Variants in NEK7 observed in about 807,000 individuals in gnomAD.
NEK7 encodes NIMA related kinase 7.
A neutral mutation model predicts 44.6 loss-of-function variants in NEK7; 18 were observed. The ratio of observed to expected loss-of-function variants is 0.40; its 90% confidence interval spans 0.28 to 0.60. The LOEUF (loss-of-function observed/expected upper bound fraction) is 0.60, where lower values mean the gene tolerates loss of function less well. Ranked by LOEUF, NEK7 falls within the 20% of genes least tolerant of loss-of-function variation. The probability of loss-of-function intolerance (pLI) is 0.38; values close to 1 mark genes in which losing one functional copy is unlikely to be tolerated. For missense variants in NEK7, 256 were observed against 366.5 expected (o/e 0.70, Z 2.46); for synonymous variants, 130 against 121.1 (o/e 1.07, Z -0.48).
At chr1:198,288,374 A>T (rs1316738359) in intron 7 of NEK7, among the ~76,000 whole-genome samples, 1 of 152,226 alleles carries the variant, frequency 6.6e-6, no homozygotes, top group Non-Finnish European at 1.5e-5. Flanking sequence ...TAATTTTCAC[A>T]TGTGGCCCAT....
chr1:198,240,265 T>A (rs979037164), intron 2 of NEK7, among the ~76,000 whole-genome samples: 1 of 152,212 alleles, frequency 6.6e-6, no homozygotes, highest in Admixed American at 6.5e-5. Context: ...ACTTACATAC[T>A]TACGAGTGAG....
At chr1:198,271,670 C>T (rs1048631503) in intron 5 of NEK7, among the ~76,000 whole-genome samples, 4 of 151,752 alleles carry the variant, frequency 2.6e-5, no homozygotes, top group Non-Finnish European at 5.9e-5. Context: ...CCAGGATACC[C>T]ACACTTTCCA....
At chr1:198,270,755 A>G in intron 5 of NEK7, among the ~76,000 whole-genome samples, 1 of 152,048 alleles carries the variant, frequency 6.6e-6, no homozygotes, top group Non-Finnish European at 1.5e-5. Context: ...TTACAACTGT[A>G]TTTTGTATTA....
intron 1 of NEK7, among the ~76,000 whole-genome samples, chr1:198,222,529 C>A: frequency 6.6e-6 from 1 of 152,144 alleles, no homozygotes. Flanking sequence ...GGTGGTACCA[C>A]CACGTGCTGT....
intron 1 of NEK7, among the ~76,000 whole-genome samples, chr1:198,229,403 C>T (rs917315169): frequency 1.3e-5 from 2 of 152,162 alleles, no homozygotes; most frequent in South Asian, 4.1e-4. Flanking sequence ...GCCGCTCTGG[C>T]AAATAAATCA....
intron 1 of NEK7, among the ~76,000 whole-genome samples, chr1:198,221,887 T>G (rs1431955008): frequency 6.6e-6 from 1 of 151,768 alleles, no homozygotes; most frequent in Non-Finnish European, 1.5e-5. Flanking sequence ...TAGGGAACTG[T>G]GTTATAATGT....
At chr1:198,237,845 T>A (rs72731903) in intron 2 of NEK7, among the ~76,000 whole-genome samples, 6,643 of 152,270 alleles carry the variant, frequency 0.044, 227 homozygotes, top group Middle Eastern at 0.065. Flanking sequence ...GAAAATGGAA[T>A]CTTCCCACTC....
chr1:198,171,527 A>C (rs1332160351), intron 1 of NEK7, among the ~76,000 whole-genome samples: 1 of 151,952 alleles, frequency 6.6e-6, no homozygotes, highest in African/African-American at 2.4e-5. Context: ...AAAAATACAA[A>C]AATTAGCTGG....
At chr1:198,251,523 G>C (rs558222813) in intron 2 of NEK7, among the ~76,000 whole-genome samples, 69 of 151,892 alleles carry the variant, frequency 4.5e-4, no homozygotes, top group African/African-American at 1.5e-3. Context: ...TTTTTGGTTG[G>C]TAAGCTATTG....
chr1:198,284,903 A>G (rs949175318), intron 7 of NEK7, among the ~76,000 whole-genome samples: 5 of 152,162 alleles, frequency 3.3e-5, no homozygotes, highest in Admixed American at 3.3e-4. Context: ...GGCAATGAAT[A>G]CGAGTACTGT....
At chr1:198,252,129 T>C (rs1183120498) in intron 2 of NEK7, among the ~76,000 whole-genome samples, 1 of 152,146 alleles carries the variant, frequency 6.6e-6, no homozygotes, top group Non-Finnish European at 1.5e-5. Flanking sequence ...CATTTCGTTA[T>C]GTACCCAGTA....
At chr1:198,214,314 G>A (rs945351898) in intron 1 of NEK7, among the ~76,000 whole-genome samples, 2 of 152,178 alleles carry the variant, frequency 1.3e-5, no homozygotes, top group African/African-American at 2.4e-5. Context: ...CTTTCCAGCA[G>A]TGGATCCAAA....
At chr1:198,312,306 G>A (rs1271321895) in intron 9 of NEK7, among the ~76,000 whole-genome samples, 3 of 150,426 alleles carry the variant, frequency 2.0e-5, no homozygotes, top group African/African-American at 2.5e-5. Flanking sequence ...ATTTTTTATT[G>A]CATCTATTTG....
intron 9 of NEK7, among the ~76,000 whole-genome samples, chr1:198,308,169 T>G (rs1655070056): frequency 1.3e-5 from 2 of 152,166 alleles, no homozygotes; most frequent in African/African-American, 4.8e-5. Context: ...TACCTGCCAT[T>G]AAGCAAGACT....
At chr1:198,250,312 G>A (rs556585706) in intron 2 of NEK7, among the ~76,000 whole-genome samples, 4,520 of 147,942 alleles carry the variant, frequency 0.031, 33 homozygotes, top group Middle Eastern at 0.049. Flanking sequence ...GTCAGGTAGT[G>A]TGATGCCTCC....
chr1:198,263,553 C>T (rs551853575), intron 4 of NEK7, among the ~76,000 whole-genome samples: 7 of 151,872 alleles, frequency 4.6e-5, no homozygotes, highest in East Asian at 1.9e-4. Flanking sequence ...GGGACTGATA[C>T]GTATATTTCT....
At chr1:198,309,902 A>G (rs567307931) in intron 9 of NEK7, among the ~76,000 whole-genome samples, 2 of 152,306 alleles carry the variant, frequency 1.3e-5, no homozygotes, top group East Asian at 3.9e-4. Flanking sequence ...CGCAATAAAC[A>G]TAAGTGTGCA....
intron 1 of NEK7, among the ~76,000 whole-genome samples, chr1:198,205,001 G>GAAT (rs1326192077): frequency 6.6e-6 from 1 of 152,010 alleles, no homozygotes; most frequent in Non-Finnish European, 1.5e-5. Context: ...AATGCCCCAG[G>GAAT]AATAGTCCAG....
rs960873742 is a variant in NEK7 at position 198,184,643 on chromosome 1, A to C, written c.-29+27367A>C. Reference sequence around the variant, plus strand: ...CCATGGCAACAACAGTAACAGCAAGATTACCCTTACTTCCATTAATGAAAT... The same window carrying C: ...CCATGGCAACAACAGTAACAGCAAGCTTACCCTTACTTCCATTAATGAAAT... On this transcript the variant is annotated intron_variant, in intron 1 of 9. Transcript: ENST00000367385. 2.6e-5 allele frequency among the ~76,000 whole-genome samples: 4 copies of C among 152,122 alleles called. No homozygotes were observed. The East Asian group carries it at 7.7e-4, about 29-fold the overall frequency.
Sources: allele counts gnomAD v4.1 joint callset (sites outside exome capture counted in the v4.1 genomes callset), GRCh38; gene constraint gnomAD v4.1.1; transcripts MANE v1.5; gene names NCBI Gene and HGNC (gene_info 2026-07-23, HGNC 2026-07-21).